Variants in SFMBT1 observed in about 807,000 individuals in gnomAD.
The protein encoded by SFMBT1 is scm-like with four MBT domains protein 1.
SFMBT1 carries 32 observed loss-of-function variants against 108.7 expected under a neutral mutation model. The ratio of observed to expected loss-of-function variants is 0.29; its 90% CI spans 0.22 to 0.40. The LOEUF is 0.40. SFMBT1 is among the 10% of genes least tolerant of loss of function. The probability of loss-of-function intolerance (pLI) is 1.00; values close to 1 mark genes in which losing one functional copy is unlikely to be tolerated. For synonymous variants in SFMBT1, 348 were observed against 369.5 expected, an observed-to-expected ratio of 0.94 and a Z score of 0.67; for missense variants, 816 against 1,059.6, an observed-to-expected ratio of 0.77 and a Z score of 3.19.
intron 1 of SFMBT1, among the ~76,000 whole-genome samples, chr3:53,033,808 G>A (rs1014826118): frequency 8.0e-5 from 12 of 150,034 alleles, no homozygotes; most frequent in Middle Eastern, 3.5e-3. Flanking sequence ...AGTGGCTCAC[G>A]CCTGTAATCC....
intron 8 of SFMBT1, 122 bp from the exon 9 acceptor site, chr3:52,928,463 T>C: frequency 1.1e-6 from 1 of 950,046 alleles, no homozygotes; most frequent in Non-Finnish European, 1.5e-6. Flanking sequence ...TACTAAACAC[T>C]AAATGTTAGC....
intron 1 of SFMBT1, among the ~76,000 whole-genome samples, chr3:53,004,676 T>A (rs971892485): frequency 4.7e-5 from 7 of 150,258 alleles, no homozygotes; most frequent in African/African-American, 1.5e-4. Context: ...ATCTCTGAAA[T>A]TTTGAGACAC....
At chr3:52,931,318 T>C (rs1702851765) in intron 6 of SFMBT1, among the ~76,000 whole-genome samples, 1 of 152,146 alleles carries the variant, frequency 6.6e-6, no homozygotes, top group Admixed American at 6.6e-5. Flanking sequence ...TTGGGGCACA[T>C]AATAATAAAT....
At chr3:52,953,330 G>A (rs1703656450) in intron 3 of SFMBT1, among the ~76,000 whole-genome samples, 1 of 152,084 alleles carries the variant, frequency 6.6e-6, no homozygotes, top group Non-Finnish European at 1.5e-5. Flanking sequence ...GTGTACACCT[G>A]TAGTCCCAGT....
chr3:52,992,350 C>A (rs35076015), intron 1 of SFMBT1, among the ~76,000 whole-genome samples: 1 of 152,140 alleles, frequency 6.6e-6, no homozygotes, highest in Non-Finnish European at 1.5e-5. Flanking sequence ...TGAGGATGGA[C>A]ACCTCTATTT....
At chr3:52,937,902 GA>G (rs1235658565) in intron 4 of SFMBT1, among the ~76,000 whole-genome samples, 1 of 151,492 alleles carries the variant, frequency 6.6e-6, no homozygotes, top group Non-Finnish European at 1.5e-5. Context: ...CTTTTATTTT[GA>G]AAAAAATAAG....
rs182685697 is a variant in SFMBT1 at position 52,960,439 on chromosome 3, T to C, written c.29-6028A>G. Reference sequence around the variant, plus strand: ...AGGGAAATGCAAATCAAAACTACAATGAAATGCCATTTCACACATATTAGA... The same window carrying C: ...AGGGAAATGCAAATCAAAACTACAACGAAATGCCATTTCACACATATTAGA... On this transcript the variant is annotated intron_variant, in intron 2 of 20. Transcript: ENST00000394752. Among the ~76,000 whole-genome samples the C allele has an allele frequency of 4.7e-3, 716 of 152,152 alleles. 8 individuals carry two copies. The highest frequency in any genetic ancestry group is 8.0e-3 in the Non-Finnish European group (547 of 68,002).
At chr3:52,957,983 T>C (rs887813460) in intron 2 of SFMBT1, among the ~76,000 whole-genome samples, 1 of 152,094 alleles carries the variant, frequency 6.6e-6, no homozygotes, top group African/African-American at 2.4e-5. Flanking sequence ...ACTAAAGAGC[T>C]TCTGCATAGC....
intron 1 of SFMBT1, among the ~76,000 whole-genome samples, chr3:53,000,171 A>AT: frequency 6.7e-6 from 1 of 148,440 alleles, no homozygotes; most frequent in South Asian, 2.1e-4. Flanking sequence ...CTACTCTTAC[A>AT]TTTTTTTAGG....
intron 3 of SFMBT1, among the ~76,000 whole-genome samples, chr3:52,944,207 T>TTTAATGTTATGA (rs1703283305): frequency 1.3e-5 from 2 of 152,158 alleles, no homozygotes; most frequent in Non-Finnish European, 1.5e-5. Context: ...ATTAAATAAA[T>TTTAATGTTATGA]ATACTATGAA....
intron 3 of SFMBT1, among the ~76,000 whole-genome samples, chr3:52,947,481 T>C (rs910174023): frequency 1.3e-5 from 2 of 152,194 alleles, no homozygotes; most frequent in South Asian, 2.1e-4. Context: ...TTAATTTGTA[T>C]GATCTGATTA....
chr3:52,966,336 A>AAAAAAAAAAAAAAAAT (rs1214815068), intron 2 of SFMBT1, among the ~76,000 whole-genome samples: 1 of 97,784 alleles, frequency 1.0e-5, no homozygotes, highest in African/African-American at 4.0e-5. Context: ...AGAAAAAAAA[A>AAAAAAAAAAAAAAAAT]AGGACTAAAG....
At chr3:52,981,722 A>G (rs1243352881) in intron 1 of SFMBT1, among the ~76,000 whole-genome samples, 6 of 151,844 alleles carry the variant, frequency 4.0e-5, no homozygotes, top group Admixed American at 3.9e-4. Flanking sequence ...ATTTTGGGGG[A>G]AAATGTGCTA....
intron 1 of SFMBT1, among the ~76,000 whole-genome samples, chr3:52,995,917 C>T (rs1698310732): frequency 6.7e-6 from 1 of 148,864 alleles, no homozygotes; most frequent in Non-Finnish European, 1.5e-5. Context: ...ACTAAAAATA[C>T]AAAAATTAGC....
intron 1 of SFMBT1, among the ~76,000 whole-genome samples, chr3:53,021,862 A>G (rs969524634): frequency 6.6e-6 from 1 of 152,232 alleles, no homozygotes; most frequent in African/African-American, 2.4e-5. Context: ...ATTTTTGCTT[A>G]AATTCAAACC....
chr3:52,932,963 C>A (rs1702899900), intron 5 of SFMBT1, among the ~76,000 whole-genome samples: 1 of 152,022 alleles, frequency 6.6e-6, no homozygotes, highest in South Asian at 2.1e-4. Flanking sequence ...CCATCATCAT[C>A]ATTAAAGAGA....
intron 1 of SFMBT1, among the ~76,000 whole-genome samples, chr3:53,031,297 C>A (rs929450331): frequency 2.0e-5 from 3 of 152,206 alleles, no homozygotes; most frequent in Non-Finnish European, 2.9e-5. Flanking sequence ...CTGCCCCACC[C>A]CACACCCACA....
At position 52,912,147 on chromosome 3, in the gene SFMBT1, T is replaced by C. The variant is rs532317203; in HGVS notation, c.1730+391A>G. Among the ~76,000 whole-genome samples the C allele has an allele frequency of 3.3e-5, 5 of 152,266 alleles. No individual in the cohort carries two copies. In the South Asian group the frequency reaches 1.0e-3, roughly 32 times the overall value. On this transcript the variant is annotated intron_variant, in intron 16 of 20. Coordinates refer to ENST00000394752, the MANE Select transcript of SFMBT1 (RefSeq NM_016329.4). ...CCTGCCTAAGGAAACATAAGGCTTC[T>C]GATATTATCCACAGAACTGATTCTG...
intron 3 of SFMBT1, among the ~76,000 whole-genome samples, chr3:52,949,417 C>T (rs568102218): frequency 1.3e-5 from 2 of 152,110 alleles, no homozygotes; most frequent in East Asian, 1.9e-4. Flanking sequence ...TTGAATTTCC[C>T]GACTAATAAT....
Sources: allele counts gnomAD v4.1 joint callset (sites outside exome capture counted in the v4.1 genomes callset), GRCh38; gene constraint gnomAD v4.1.1; transcripts MANE v1.5; gene names NCBI Gene and HGNC (gene_info 2026-07-23, HGNC 2026-07-21).